Variants in CAPN3 observed in about 807,000 individuals in gnomAD.
The protein encoded by CAPN3 is calpain 3, also known as calpain-3.
CAPN3 carries 88 observed loss-of-function variants against 114.0 expected under a neutral mutation model. The observed-to-expected ratio is 0.77, with a 90% CI of 0.65 to 0.92. The LOEUF (loss-of-function observed/expected upper bound fraction) is 0.92, where lower values mean the gene tolerates loss of function less well. CAPN3 is among the 40% of genes least tolerant of loss of function. CAPN3 has a pLI of 0.00. For missense variants in CAPN3, 1,028 were observed against 1,069.0 expected (o/e 0.96, Z 0.53); for synonymous variants, 386 against 382.9 (o/e 1.01, Z -0.09).
chr15:42,402,559 G>T, intron 12 of CAPN3: 2 of 1,470,896 alleles, frequency 1.4e-6, no homozygotes, highest in Non-Finnish European at 9.0e-7. Flanking sequence ...AGCTGTTCTG[G>T]TAAGTGTCCC....
rs753376577 is a variant in CAPN3, at chr15:42,386,335, G to A, written c.498+50G>A. On this transcript the variant is annotated intron_variant, in intron 3 of 23. Transcript: ENST00000397163. ...GAGGGCCAGCGGCAGGCCACCCACC[G>A]CTGGTCTCCTGGCCTTGACTTCCCA... is the stretch of plus-strand genomic sequence containing the variant. The A allele has an allele frequency of 7.8e-6, 10 of 1,289,026 alleles. No individual in the cohort carries two copies. The East Asian group carries it at 1.2e-4, about 15-fold the overall frequency. 79.8% of individuals were successfully genotyped at this position (1,289,026 alleles called of 1,614,324 possible).
chr15:42,362,447 G>A (rs1417825720), intron 1 of CAPN3, among the ~76,000 whole-genome samples: 3 of 152,124 alleles, frequency 2.0e-5, no homozygotes, highest in African/African-American at 7.2e-5. Flanking sequence ...GGGTGCAGAA[G>A]ACTTGTCTGT....
intron 6 of CAPN3, among the ~76,000 whole-genome samples, chr15:42,390,437 T>TTTTTGAG (rs1202565168): frequency 1.3e-5 from 2 of 152,236 alleles, no homozygotes; most frequent in Non-Finnish European, 2.9e-5. Flanking sequence ...TCAACACTTA[T>TTTTTGAG]TTTTGAGCTC....
chr15:42,368,889 C>G (rs2052857993), intron 1 of CAPN3, among the ~76,000 whole-genome samples: 1 of 152,082 alleles, frequency 6.6e-6, no homozygotes, highest in Non-Finnish European at 1.5e-5. Flanking sequence ...CTATCTCTAC[C>G]AAAAATACAA....
At chr15:42,395,134 C>T (rs972617418) in intron 8 of CAPN3, among the ~76,000 whole-genome samples, 2 of 152,126 alleles carry the variant, frequency 1.3e-5, no homozygotes, top group African/African-American at 2.4e-5. Flanking sequence ...TTCAGTCATT[C>T]GTTTAGCAAA....
rs1360298271 is a variant in CAPN3 at position 42,411,077 on chromosome 15, CCA to C, written c.2380+78_2380+79del. The C allele has an allele frequency of 3.3e-6, 4 of 1,209,060 alleles. No homozygotes were observed. In the African/African-American group the frequency reaches 4.5e-5, roughly 14 times the overall value. The allele number at this position is 1,209,060 out of a possible 1,614,324, so 74.9% of individuals were successfully genotyped here. ...CAACAGGCATCTCACCTGATAATCT[CCA>C]GTCTGCTCCATCCAGGCTGAACAAG... is the stretch of plus-strand genomic sequence containing the variant. On this transcript the variant is annotated intron_variant, in intron 22 of 23. Coordinates refer to ENST00000397163, the MANE Select transcript of CAPN3 (RefSeq NM_000070.3).
rs757016558 is a variant in CAPN3, at chr15:42,402,845, T to C, written c.1588T>C (p.Ser530Pro). 1 of 1,614,098 alleles carries C rather than the reference T, an allele frequency of 6.2e-7. No homozygotes were observed. Among genetic ancestry groups the C allele is most frequent in the African/African-American group, 1.3e-5 (1 of 75,008 alleles). Residue 530 changes from serine to proline, a missense_variant, in exon 13 of 24, where the codon TCC (serine) becomes CCC (proline). By Grantham distance (74) the Ser-to-Pro change is moderately conservative (BLOSUM62 -1). Transcript: ENST00000397163. ...LQKDFFLYNA[S>P]KARSKTYINM... Reference sequence around the variant, plus strand: ...GAAGGACTTCTTCCTGTACAACGCCTCCAAGGCCAGGAGCAAAACCTACAT... The same window carrying C: ...GAAGGACTTCTTCCTGTACAACGCCCCCAAGGCCAGGAGCAAAACCTACAT...
chr15:42,364,274 G>A (rs2052724192), intron 1 of CAPN3, among the ~76,000 whole-genome samples: 1 of 152,184 alleles, frequency 6.6e-6, no homozygotes, highest in Non-Finnish European at 1.5e-5. Context: ...GGTTCTCCAT[G>A]TGAAAAATGG....
chr15:42,412,145 T>A lies in CAPN3; in HGVS notation c.*372T>A, dbSNP rs2054279246. On this transcript the variant is annotated 3_prime_UTR_variant, in exon 24 of 24. Coordinates refer to ENST00000397163, the MANE Select transcript of CAPN3 (RefSeq NM_000070.3). ...CACCTCCTTGTGCTAGAGCCCTCCA[T>A]CACCTTCACGCTGTCCCACCATGGG... 6.5e-7 allele frequency: 1 copy of A among 1,536,074 alleles called. No individual in the cohort carries two copies. The highest frequency in any genetic ancestry group is 8.7e-7 in the Non-Finnish European group (1 of 1,146,894).
chr15:42,359,872 G>C lies in CAPN3; in HGVS notation c.67G>C (p.Val23Leu), dbSNP rs751312765. Residue 23 changes from valine to leucine, a missense_variant, in exon 1 of 24, where the codon GTT becomes CTT. Transcript: ENST00000397163. ...TAAEPRSPGP[V>L]PHPAQSKATE... Reference sequence around the variant, plus strand: ...GGCTGAGCCCCGGTCCCCAGGGCCAGTTCCTCACCCGGCCCAGAGCAAGGC... The same window carrying C: ...GGCTGAGCCCCGGTCCCCAGGGCCACTTCCTCACCCGGCCCAGAGCAAGGC... 9.3e-6 allele frequency: 15 copies of C among 1,614,104 alleles called. No homozygotes were observed. In the Admixed American group the frequency reaches 2.3e-4, roughly 25 times the overall value.
Position 42,408,382 on chromosome 15 carries a change from G to A in CAPN3, c.1914+58G>A, listed in dbSNP as rs557801318. The A allele has an allele frequency of 1.2e-3, 1,269 of 1,069,186 alleles. 2 individuals are homozygous for A. The highest frequency in any genetic ancestry group is 1.7e-3 in the Non-Finnish European group (1,170 of 688,790). The allele number at this position is 1,069,186 out of a possible 1,614,324, so 66.2% of individuals were successfully genotyped here. A position where few individuals can be genotyped will look rare whatever the true frequency, so the allele number is the denominator to read the frequency against. On this transcript the variant is annotated intron_variant, in intron 16 of 23. Transcript: ENST00000397163. ...AGCACGCTACAGGGGCTTCCTATGC[G>A]CTTGGGATACACAGGGGCTGGAGGC...
In CAPN3 at chr15:42,412,309, TG is replaced by T; in HGVS notation, c.*538del. ...GCTGATCTAAATAAAGGCATGTGTA[TG>T]GCTGGTCCCCTTGTGTTTTGTTGTC... On this transcript the variant is annotated 3_prime_UTR_variant, in exon 24 of 24. Transcript: ENST00000397163. 2.4e-6 allele frequency: 2 copies of T among 845,806 alleles called. No individual in the cohort carries two copies. The highest frequency in any genetic ancestry group is 5.2e-5 in the Admixed American group (2 of 38,566). 52.4% of individuals were successfully genotyped at this position (845,806 alleles called of 1,614,324 possible).
rs773160594 is a variant in CAPN3 at position 42,412,123 on chromosome 15, C to A, written c.*350C>A. 1 of 1,535,938 alleles carries A rather than the reference C, an allele frequency of 6.5e-7. No individual in the cohort carries two copies. Among genetic ancestry groups the A allele is most frequent in the East Asian group, 2.4e-5 (1 of 40,908 alleles). On this transcript the variant is annotated 3_prime_UTR_variant, in exon 24 of 24. Transcript: ENST00000397163. ...AGCACCTGCCGGTGGCACTCAGCAC[C>A]TCCTTGTGCTAGAGCCCTCCATCAC...
chr15:42,376,374 A>G (rs952926569), intron 1 of CAPN3, among the ~76,000 whole-genome samples: 21 of 152,142 alleles, frequency 1.4e-4, no homozygotes, highest in Non-Finnish European at 8.8e-5. Context: ...TATTCTCCCC[A>G]TTTGTTTATT....
Position 42,410,680 on chromosome 15 carries a change from AG to A in CAPN3, c.2263+18del, listed in dbSNP as rs1566985640. 1 of 1,608,666 alleles carries A rather than the reference AG, an allele frequency of 6.2e-7. No homozygotes were observed. Among genetic ancestry groups the A allele is most frequent in the Non-Finnish European group, 8.5e-7 (1 of 1,175,498 alleles). On this transcript the variant is annotated intron_variant, in intron 21 of 23. Coordinates refer to ENST00000397163, the MANE Select transcript of CAPN3 (RefSeq NM_000070.3). ...TCAACGACGCAGGTGCTGAGAAGGA[AG>A]GGGTGGCAGGGATGTGGACCCGAGA...
At chr15:42,363,928 A>T (rs1213242610) in intron 1 of CAPN3, among the ~76,000 whole-genome samples, 2 of 152,112 alleles carry the variant, frequency 1.3e-5, no homozygotes, top group Non-Finnish European at 2.9e-5. Flanking sequence ...AAATCTATCT[A>T]ATTCTGAGAT....
chr15:42,382,284 A>G (rs1175917905), intron 1 of CAPN3, among the ~76,000 whole-genome samples: 2 of 152,184 alleles, frequency 1.3e-5, no homozygotes, highest in East Asian at 1.9e-4. Flanking sequence ...TCAATATTCA[A>G]TTTGCCCTTT....
rs28364387 is a variant in CAPN3 at position 42,384,084 on chromosome 15, A to G, written c.310-399A>G. Reference sequence around the variant, plus strand: ...TTCCCTTCACAGGGCCAAATGGAATACTATCAGGAACACTACATAATGGAA... The same window carrying G: ...TTCCCTTCACAGGGCCAAATGGAATGCTATCAGGAACACTACATAATGGAA... On this transcript the variant is annotated intron_variant, in intron 1 of 23. Coordinates refer to ENST00000397163, the MANE Select transcript of CAPN3 (RefSeq NM_000070.3). Among the ~76,000 whole-genome samples, 1,269 of 152,254 alleles carry G rather than the reference A, an allele frequency of 8.3e-3. 10 individuals carry two copies. Among genetic ancestry groups the G allele is most frequent in the Middle Eastern group, 0.037 (11 of 294 alleles).
chr15:42,409,240 C>T, intron 16 of CAPN3, 63 bp from the exon 17 acceptor site: 2 of 1,532,742 alleles, frequency 1.3e-6, no homozygotes, highest in Non-Finnish European at 1.8e-6. Context: ...CCCAGAGGAG[C>T]TTGCCTCACA....
Sources: gnomAD v4.1 joint callset for allele counts (sites outside exome capture counted in the v4.1 genomes callset) on GRCh38, gnomAD v4.1.1 for gene constraint, MANE v1.5 for transcripts, NCBI Gene and HGNC (gene_info 2026-07-23, HGNC 2026-07-21) for gene names.